XKR6: variants seen among roughly 807,000 people sequenced by gnomAD.
XKR6 encodes the protein XK related 6.
Under a neutral mutation model 56.7 loss-of-function variants are expected in XKR6, and 22 were observed. The observed-to-expected ratio is 0.39, with a 90% CI of 0.28 to 0.55. The LOEUF is 0.55. XKR6 is among the 20% of genes least tolerant of loss of function. The pLI, the probability that XKR6 is intolerant of heterozygous loss-of-function variation, is 0.66. For missense variants in XKR6, 852 were observed against 889.0 expected (o/e 0.96, Z 0.53); for synonymous variants, 524 against 387.8 (o/e 1.35, Z -4.13).
intron 1 of XKR6, among the ~76,000 whole-genome samples, chr8:11,103,150 CTACT>C (rs998554858): frequency 9.3e-4 from 141 of 152,088 alleles, no homozygotes; most frequent in African/African-American, 3.3e-3. Context: ...TGAATTAATC[CTACT>C]TAATCTCAAT....
At chr8:11,173,150 A>C (rs1282268322) in intron 1 of XKR6, among the ~76,000 whole-genome samples, 1 of 150,314 alleles carries the variant, frequency 6.7e-6, no homozygotes, top group Admixed American at 6.6e-5. Flanking sequence ...CCTGGCTAAC[A>C]CGGTGAAACC....
chr8:11,153,170 A>G (rs1801346508), intron 1 of XKR6, among the ~76,000 whole-genome samples: 1 of 152,220 alleles, frequency 6.6e-6, no homozygotes, highest in Admixed American at 6.5e-5. Flanking sequence ...ACCACCACCA[A>G]AGCAGAAGAA....
At chr8:11,040,347 TC>T (rs1467814848) in intron 1 of XKR6, among the ~76,000 whole-genome samples, 1 of 132,050 alleles carries the variant, frequency 7.6e-6, no homozygotes, top group Non-Finnish European at 1.6e-5. Flanking sequence ...CATAAGCAGA[TC>T]TCATGTCTGC....
At chr8:11,173,836 G>A (rs772392306) in intron 1 of XKR6, among the ~76,000 whole-genome samples, 1 of 152,098 alleles carries the variant, frequency 6.6e-6, no homozygotes. Flanking sequence ...CCACCCACAA[G>A]TCACTACTAG....
chr8:10,968,023 C>T (rs1345506095), intron 1 of XKR6, among the ~76,000 whole-genome samples: 4 of 152,212 alleles, frequency 2.6e-5, no homozygotes, highest in Non-Finnish European at 5.9e-5. Flanking sequence ...CAGGGGCCAC[C>T]TGTGGACATG....
intron 1 of XKR6, chr8:11,106,850 C>CA (rs770478678): frequency 0.086 from 3,612 of 42,210 alleles, 227 homozygotes; most frequent in Middle Eastern, 0.15. Flanking sequence ...GACTTCATCT[C>CA]AAAAAAAAAA....
chr8:11,131,093 T>C (rs1008574961), intron 1 of XKR6, among the ~76,000 whole-genome samples: 4 of 152,160 alleles, frequency 2.6e-5, no homozygotes, highest in East Asian at 3.8e-4. Context: ...GTAATCCTTG[T>C]TCACAGCCAC....
rs116486574 is a variant in XKR6 at position 11,029,914 on chromosome 8, A to G, written c.765-105084T>C. 2.7e-3 allele frequency among the ~76,000 whole-genome samples: 409 copies of G among 152,190 alleles called. 2 individuals carry two copies. The highest frequency in any genetic ancestry group is 8.7e-3 in the African/African-American group (361 of 41,510). ...AGCCATTTTCCATCCATAACAGAAG[A>G]ACTCTAACAGTCTATGTGGTGTCCA... On this transcript the variant is annotated intron_variant, in intron 1 of 2. Coordinates refer to ENST00000416569, the MANE Select transcript of XKR6 (RefSeq NM_173683.4).
rs185449374 is a variant in XKR6 at position 11,147,692 on chromosome 8, C to A, written c.764+52884G>T. Among the ~76,000 whole-genome samples, 9 of 150,676 alleles carry A rather than the reference C, an allele frequency of 6.0e-5. No individual in the cohort carries two copies. The East Asian group carries it at 1.7e-3, about 29-fold the overall frequency. ...AAAAGCTATATGGATGGCAAATAAG[C>A]ATATGAAAATATGCTCAACATCACA... On this transcript the variant is annotated intron_variant, in intron 1 of 2. Coordinates refer to ENST00000416569, the MANE Select transcript of XKR6 (RefSeq NM_173683.4).
chr8:10,917,864 A>G (rs1478224066), intron 2 of XKR6, among the ~76,000 whole-genome samples: 2 of 152,230 alleles, frequency 1.3e-5, no homozygotes, highest in Non-Finnish European at 1.5e-5. Flanking sequence ...CTGTAAAAGA[A>G]AAGGGTTGAA....
At chr8:11,023,178 T>A (rs1444855324) in intron 1 of XKR6, among the ~76,000 whole-genome samples, 1 of 152,140 alleles carries the variant, frequency 6.6e-6, no homozygotes, top group Non-Finnish European at 1.5e-5. Context: ...GGGAGGGCCC[T>A]CCCTCCATGT....
intron 1 of XKR6, among the ~76,000 whole-genome samples, chr8:11,052,686 G>A (rs374344880): frequency 6.6e-6 from 1 of 151,954 alleles, no homozygotes; most frequent in South Asian, 2.1e-4. Context: ...GTTAAAGCTG[G>A]TGTCCTCTCC....
At chr8:10,950,819 C>A (rs1039750354) in intron 1 of XKR6, among the ~76,000 whole-genome samples, 1 of 147,264 alleles carries the variant, frequency 6.8e-6, no homozygotes, top group East Asian at 1.9e-4. Flanking sequence ...CTTTCCAGGT[C>A]AGGCAGCTTG....
chr8:11,199,992 T>TTTCC lies in XKR6; in HGVS notation c.764+580_764+583dup, dbSNP rs747882423. 8.5e-5 allele frequency among the ~76,000 whole-genome samples: 13 copies of TTTCC among 152,294 alleles called. No homozygotes were observed. In the East Asian group the frequency reaches 1.2e-3, roughly 14 times the overall value. ...CAAACCAAAAAAAAAAAAAGTCTTT[T>TTTCC]TTCCTTCTGGGAAAGCAGTGGTTTG... is the stretch of plus-strand genomic sequence containing the variant. On this transcript the variant is annotated intron_variant, in intron 1 of 2. Transcript: ENST00000416569.
In XKR6 at chr8:11,017,865, G is replaced by A. The variant is rs115354122; in HGVS notation, c.765-93035C>T. 3.1e-3 allele frequency among the ~76,000 whole-genome samples: 469 copies of A among 152,342 alleles called. 1 individual carries two copies. The highest frequency in any genetic ancestry group is 0.011 in the African/African-American group (448 of 41,588). On this transcript the variant is annotated intron_variant, in intron 1 of 2. Transcript: ENST00000416569. ...GTGGGGCTGGATCCCCGGATCCTGA[G>A]ATGACAGTGGGTGCTGGGGTGTAGC... is the stretch of plus-strand genomic sequence containing the variant.
At chr8:10,937,956 T>C (rs1359983637) in intron 1 of XKR6, among the ~76,000 whole-genome samples, 5 of 151,226 alleles carry the variant, frequency 3.3e-5, no homozygotes, top group Non-Finnish European at 3.0e-5. Context: ...GCTGCTTTGT[T>C]TACCTAAGCA....
At chr8:10,958,487 G>A (rs573857934) in intron 1 of XKR6, among the ~76,000 whole-genome samples, 104 of 152,354 alleles carry the variant, frequency 6.8e-4, no homozygotes, top group Middle Eastern at 3.4e-3. Context: ...GGGTCATCCT[G>A]AGAGCTGGAT....
chr8:10,915,563 G>A (rs893009975), intron 2 of XKR6, among the ~76,000 whole-genome samples: 6 of 151,884 alleles, frequency 4.0e-5, no homozygotes, highest in Non-Finnish European at 8.8e-5. Flanking sequence ...TCGGTAGGGC[G>A]ACCTCAGTGC....
At chr8:11,092,304 A>G (rs1461939909) in intron 1 of XKR6, among the ~76,000 whole-genome samples, 1 of 152,258 alleles carries the variant, frequency 6.6e-6, no homozygotes, top group Non-Finnish European at 1.5e-5. Flanking sequence ...TGAATGTAGA[A>G]GTGAGCAAAT....
Sources: allele counts gnomAD v4.1 joint callset (sites outside exome capture counted in the v4.1 genomes callset), GRCh38; gene constraint gnomAD v4.1.1; transcripts MANE v1.5; gene names NCBI Gene and HGNC (gene_info 2026-07-23, HGNC 2026-07-21).